Variants in AGAP1 observed in about 807,000 individuals in gnomAD.
AGAP1 encodes the protein arf-GAP with GTPase, ANK repeat and PH domain-containing protein 1.
In AGAP1, 29 loss-of-function variants were observed where a neutral mutation model predicts 105.3. That is an observed-to-expected ratio of 0.28 (90% CI 0.21 to 0.38). The LOEUF (loss-of-function observed/expected upper bound fraction) is 0.38. Ranked by LOEUF, AGAP1 falls within the 10% of genes least tolerant of loss-of-function variation. The pLI, the probability that AGAP1 is intolerant of heterozygous loss-of-function variation, is 1.00. For synonymous variants in AGAP1, 509 were observed against 485.9 expected (o/e 1.05, Z -0.63); for missense variants, 998 against 1,165.1 (o/e 0.86, Z 2.09).
intron 6 of AGAP1, among the ~76,000 whole-genome samples, chr2:235,791,491 C>T (rs1956974174): frequency 6.6e-6 from 1 of 152,042 alleles, no homozygotes; most frequent in Non-Finnish European, 1.5e-5. Context: ...ATGCCCTGTC[C>T]AAACTCCTGA....
rs1945744055 is a variant in AGAP1 at position 235,601,930 on chromosome 2, C to T, written c.163+107081C>T. On this transcript the variant is annotated intron_variant, in intron 1 of 17. Coordinates refer to ENST00000304032, the MANE Select transcript of AGAP1 (RefSeq NM_001037131.3). The surrounding 1 kb of genome is among the most constrained non-coding windows in gnomAD (Gnocchi z 4.4). ...TCTTAGCGGGCCTCCGTGCCCCATC[C>T]CAAAAGGTCCATTCTCAAAGGAGAC... is the stretch of plus-strand genomic sequence containing the variant. 6.6e-6 allele frequency among the ~76,000 whole-genome samples: 1 copy of T among 152,168 alleles called. No homozygotes were observed. The highest frequency in any genetic ancestry group is 6.5e-5 in the Admixed American group (1 of 15,276).
chr2:236,104,320 A>G lies in AGAP1; in HGVS notation c.2115-15872A>G, dbSNP rs1322163563. On this transcript the variant is annotated intron_variant, in intron 16 of 17. Coordinates refer to ENST00000304032, the MANE Select transcript of AGAP1 (RefSeq NM_001037131.3). The surrounding 1 kb of genome is among the most constrained non-coding windows in gnomAD (Gnocchi z 4.7). The stretch of plus-strand genomic sequence containing the variant: ...AGCCTCCAGCACTCCATCCTGTTCC[A>G]TCCCCAGTGCCCTCTGACTGCACGG... Among the ~76,000 whole-genome samples the G allele has an allele frequency of 2.0e-5, 3 of 152,210 alleles. No individual in the cohort carries two copies. Among genetic ancestry groups the G allele is most frequent in the East Asian group, 3.9e-4 (2 of 5,186 alleles).
Position 235,744,573 on chromosome 2 carries a change from A to G in AGAP1, c.397-125A>G. The G allele has an allele frequency of 8.5e-7, 1 of 1,178,700 alleles. No individual in the cohort carries two copies. The allele number at this position is 1,178,700 out of a possible 1,614,324, so 73.0% of individuals were successfully genotyped here. A position where few individuals can be genotyped will look rare whatever the true frequency, so the allele number is the denominator to read the frequency against. On this transcript the variant is annotated intron_variant, in intron 4 of 17. Transcript: ENST00000304032. This position sits in a 1 kb window ranked among gnomAD's most constrained non-coding sequence, Gnocchi z 5.2. ...GTGTAAAAGTGACAGTCAAAAGTCA[A>G]GCACCCAGTGTGTGACCGAGGGGAT...
rs1243142588 is a variant in AGAP1, at chr2:235,691,224, G to T, written c.164-17955G>T. Among the ~76,000 whole-genome samples the T allele has an allele frequency of 6.6e-6, 1 of 152,134 alleles. No individual in the cohort carries two copies. Among genetic ancestry groups the T allele is most frequent in the Non-Finnish European group, 1.5e-5 (1 of 68,042 alleles). On this transcript the variant is annotated intron_variant, in intron 1 of 17. Transcript: ENST00000304032. This position sits in a 1 kb window ranked among gnomAD's most constrained non-coding sequence, Gnocchi z 4.4. ...CTGGATGCTGGTGCCTTTTCCCACCGTCAATCAAGCACATGCGCATAGGGC... is the reference window on the plus strand; with the variant it reads ...CTGGATGCTGGTGCCTTTTCCCACCTTCAATCAAGCACATGCGCATAGGGC...
chr2:235,542,051 G>A (rs907899959), intron 1 of AGAP1, among the ~76,000 whole-genome samples: 1 of 152,226 alleles, frequency 6.6e-6, no homozygotes, highest in Non-Finnish European at 1.5e-5. Context: ...CCTAAGTTGT[G>A]AATGATCAGG....
chr2:235,837,453 G>C (rs890046080), intron 9 of AGAP1, among the ~76,000 whole-genome samples: 1 of 152,206 alleles, frequency 6.6e-6, no homozygotes, highest in Non-Finnish European at 1.5e-5. Flanking sequence ...AGCTGGGAAG[G>C]TGGGGAGGGC....
At position 235,979,112 on chromosome 2, in the gene AGAP1, A is replaced by T. The variant is rs2054982486; in HGVS notation, c.1645+10489A>T. On this transcript the variant is annotated intron_variant, in intron 13 of 17. Coordinates refer to ENST00000304032, the MANE Select transcript of AGAP1 (RefSeq NM_001037131.3). The surrounding 1 kb of genome is among the most constrained non-coding windows in gnomAD (Gnocchi z 4.5). ...TTCTTTTTTTGGATGACAGAAGTGT[A>T]TTTGTGGGGTTTTTTTGTTGTTGTT... 6.9e-6 allele frequency among the ~76,000 whole-genome samples: 1 copy of T among 144,876 alleles called. No individual in the cohort carries two copies. The highest frequency in any genetic ancestry group is 2.6e-5 in the African/African-American group (1 of 38,458).
At chr2:235,718,512 A>G in intron 3 of AGAP1, 1 of 665,818 alleles carries the variant, frequency 1.5e-6, no homozygotes, top group African/African-American at 2.0e-5. Context: ...GTTTTGTTTC[A>G]TTTTATCTTT....
chr2:235,943,840 GA>G (rs1413132943), intron 12 of AGAP1, among the ~76,000 whole-genome samples: 3 of 152,134 alleles, frequency 2.0e-5, no homozygotes, highest in Non-Finnish European at 4.4e-5. Flanking sequence ...TCTCCGTTAG[GA>G]TTTGTATGTT....
At chr2:235,812,874 G>C (rs1379810827) in intron 9 of AGAP1, among the ~76,000 whole-genome samples, 1 of 152,246 alleles carries the variant, frequency 6.6e-6, no homozygotes, top group South Asian at 2.1e-4. Flanking sequence ...GCTCTGCCTG[G>C]GCGTAGGGGC....
In AGAP1 at chr2:235,582,994, T is replaced by G. The variant is rs561331104; in HGVS notation, c.163+88145T>G. Among the ~76,000 whole-genome samples the G allele has an allele frequency of 1.3e-5, 2 of 152,178 alleles. No homozygotes were observed. The highest frequency in any genetic ancestry group is 2.9e-5 in the Non-Finnish European group (2 of 68,032). ...GGAACCTGCCAAGGACCCCTGTGTG[T>G]TAAAGTTGAAATAGTTCCCTAGTAA... On this transcript the variant is annotated intron_variant, in intron 1 of 17. Coordinates refer to ENST00000304032, the MANE Select transcript of AGAP1 (RefSeq NM_001037131.3). This position sits in a 1 kb window ranked among gnomAD's most constrained non-coding sequence, Gnocchi z 4.7.
chr2:235,746,388 T>C (rs994292377), intron 5 of AGAP1, among the ~76,000 whole-genome samples: 5 of 115,194 alleles, frequency 4.3e-5, no homozygotes, highest in Non-Finnish European at 7.4e-5. Flanking sequence ...TTTTTTTTTT[T>C]TTTTTTTTTT....
chr2:235,637,600 A>G (rs1450668376), intron 1 of AGAP1, among the ~76,000 whole-genome samples: 1 of 151,998 alleles, frequency 6.6e-6, no homozygotes, highest in Non-Finnish European at 1.5e-5. Flanking sequence ...TATTTTTAGG[A>G]CAAAAGTGAA....
At position 235,783,781 on chromosome 2, in the gene AGAP1, C is replaced by T. The variant is rs559425939; in HGVS notation, c.674-13978C>T. On this transcript the variant is annotated intron_variant, in intron 6 of 17. Transcript: ENST00000304032. The stretch of plus-strand genomic sequence containing the variant: ...GAACTCCTCAGGGGGATATTTTCAT[C>T]GTGGCTTGGGTTACACGGCATCTGT... Among the ~76,000 whole-genome samples, 9 of 152,176 alleles carry T rather than the reference C, an allele frequency of 5.9e-5. No individual in the cohort carries two copies. The East Asian group carries it at 9.7e-4, about 16-fold the overall frequency.
rs2052654874 is a variant in AGAP1 at position 235,930,220 on chromosome 2, A to G, written c.1325-545A>G. Among the ~76,000 whole-genome samples the G allele has an allele frequency of 6.6e-6, 1 of 152,150 alleles. No homozygotes were observed. The highest frequency in any genetic ancestry group is 2.4e-5 in the African/African-American group (1 of 41,444). ...TTAGTCTTTTCAAGGTTAAGAGTAA[A>G]CTTATCTGGTTGAAGAGCCTGCATT... is the stretch of plus-strand genomic sequence containing the variant. On this transcript the variant is annotated intron_variant, in intron 11 of 17. Transcript: ENST00000304032. The surrounding 1 kb of genome is among the most constrained non-coding windows in gnomAD (Gnocchi z 7.9).
At chr2:235,526,470 A>C (rs924316242) in intron 1 of AGAP1, among the ~76,000 whole-genome samples, 24 of 152,196 alleles carry the variant, frequency 1.6e-4, no homozygotes, top group Non-Finnish European at 2.6e-4. Context: ...TTACTTGGAG[A>C]CTGTGAATTA....
intron 1 of AGAP1, among the ~76,000 whole-genome samples, chr2:235,643,419 G>T (rs533538959): frequency 9.9e-6 from 1 of 100,904 alleles, no homozygotes; most frequent in African/African-American, 4.4e-5. Context: ...CAACAAGAGA[G>T]AGACTGGGTC....
rs1035828104 is a variant in AGAP1 at position 236,130,407 on chromosome 2, A to C, written c.*6285A>C. 5.3e-5 allele frequency: 8 copies of C among 152,094 alleles called. No individual in the cohort carries two copies. Among genetic ancestry groups the C allele is most frequent in the Non-Finnish European group, 1.5e-5 (1 of 68,050 alleles). 9.4% of individuals were successfully genotyped at this position (152,094 alleles called of 1,614,324 possible). A position where few individuals can be genotyped will look rare whatever the true frequency, so the allele number is the denominator to read the frequency against. On this transcript the variant is annotated 3_prime_UTR_variant, in exon 18 of 18. Coordinates refer to ENST00000304032, the MANE Select transcript of AGAP1 (RefSeq NM_001037131.3). The surrounding 1 kb of genome is among the most constrained non-coding windows in gnomAD (Gnocchi z 5.8). ...CCTTGAGATGCAGGTGAAAGAAAGG[A>C]ACCAAACAAGGCATGAGTGTGTTGG...
intron 11 of AGAP1, among the ~76,000 whole-genome samples, chr2:235,924,576 A>G (rs1278673316): frequency 6.6e-6 from 1 of 152,156 alleles, no homozygotes; most frequent in Non-Finnish European, 1.5e-5. Context: ...AGCCTGCCCT[A>G]GGTTCCTGGG....
Sources: gnomAD v4.1 joint callset for allele counts (sites outside exome capture counted in the v4.1 genomes callset) on GRCh38, gnomAD v4.1.1 for gene constraint, Gnocchi (gnomAD v3.1) non-coding constraint, MANE v1.5 for transcripts, NCBI Gene and HGNC (gene_info 2026-07-23, HGNC 2026-07-21) for gene names.